The following TNNI3K variants were observed in gnomAD, a reference collection of about 807,000 sequenced individuals.
The protein encoded by TNNI3K is TNNI3 interacting kinase.
Under a neutral mutation model 114.5 loss-of-function variants are expected in TNNI3K, and 140 were observed. That is an observed-to-expected ratio of 1.22 (90% confidence interval 1.07 to 1.41). The LOEUF (loss-of-function observed/expected upper bound fraction) is 1.41, where lower values mean the gene tolerates loss of function less well. TNNI3K is among the 40% of genes most tolerant of loss of function. The pLI is 0.00. For synonymous variants in TNNI3K, 347 were observed against 347.5 expected (o/e 1.00, Z 0.02); for missense variants, 1,125 against 1,007.6 (o/e 1.12, Z -1.58).
intron 5 of TNNI3K, among the ~76,000 whole-genome samples, chr1:74,315,567 T>TA (rs1460048597): frequency 6.6e-6 from 1 of 151,998 alleles, no homozygotes; most frequent in African/African-American, 2.4e-5. Context: ...TTTTTTTTTT[T>TA]AACTGGATTT....
In TNNI3K at chr1:74,249,533, G is replaced by T. The variant is rs1654797621; in HGVS notation, c.224G>T (p.Cys75Phe). The T allele has an allele frequency of 1.2e-5, 20 of 1,613,022 alleles. No individual in the cohort carries two copies. Among genetic ancestry groups the T allele is most frequent in the Non-Finnish European group, 1.7e-5 (20 of 1,179,522 alleles). Residue 75 changes from cysteine to phenylalanine, a missense_variant, in exon 3 of 25, where the codon TGC (cysteine) becomes TTC (phenylalanine). By Grantham distance (205) the Cys-to-Phe change is radical (BLOSUM62 -2). Coordinates refer to ENST00000326637, the MANE Select transcript of TNNI3K (RefSeq NM_015978.3). The part of the protein sequence containing the change: ...ENGLSLLHLC[C>F]ICGGKKSHIR... ...GGGCTGTCTCTACTTCATTTATGTT[G>T]CATTTGTGGAGGTGAGTACTTGAAA...
chr1:74,322,746 G>T lies in TNNI3K; in HGVS notation c.445-8704G>T, dbSNP rs543560888. Among the ~76,000 whole-genome samples the T allele has an allele frequency of 2.0e-5, 3 of 152,052 alleles. No homozygotes were observed. The East Asian group carries it at 5.8e-4, about 29-fold the overall frequency. ...AAAGTGCTAGGATCACAGGCACTTT[G>T]CTGGGCGATTCTACCATCTTAATAT... is the stretch of plus-strand genomic sequence containing the variant. On this transcript the variant is annotated intron_variant, in intron 5 of 24. Transcript: ENST00000326637.
chr1:74,265,027 G>T (rs921245973), intron 4 of TNNI3K, among the ~76,000 whole-genome samples: 5 of 151,922 alleles, frequency 3.3e-5, no homozygotes, highest in South Asian at 2.1e-4. Context: ...GCAGCTGAAG[G>T]GTAATTGGTG....
intron 23 of TNNI3K, among the ~76,000 whole-genome samples, chr1:74,534,786 A>G (rs1446759871): frequency 6.6e-6 from 1 of 152,178 alleles, no homozygotes; most frequent in Non-Finnish European, 1.5e-5. Flanking sequence ...TGCCAGCCTT[A>G]TACAACCTGT....
chr1:74,510,818 A>C (rs1313808514), intron 23 of TNNI3K, among the ~76,000 whole-genome samples: 1 of 152,196 alleles, frequency 6.6e-6, no homozygotes, highest in East Asian at 1.9e-4. Flanking sequence ...GTCTGCCCCT[A>C]CCCAGAGAGG....
At chr1:74,500,383 C>T (rs886583673) in intron 23 of TNNI3K, among the ~76,000 whole-genome samples, 16 of 151,588 alleles carry the variant, frequency 1.1e-4, no homozygotes, top group Middle Eastern at 3.4e-3. Flanking sequence ...GGGCGGATCA[C>T]GAGGTCAGGA....
chr1:74,364,683 G>A (rs762956194), intron 11 of TNNI3K, among the ~76,000 whole-genome samples: 1 of 151,846 alleles, frequency 6.6e-6, no homozygotes, highest in Non-Finnish European at 1.5e-5. Flanking sequence ...TTATCCCAGT[G>A]GGCTCATTGT....
intron 21 of TNNI3K, among the ~76,000 whole-genome samples, chr1:74,476,702 G>C (rs1668224419): frequency 6.6e-6 from 1 of 152,142 alleles, no homozygotes; most frequent in Non-Finnish European, 1.5e-5. Context: ...TGAATAAAGA[G>C]ATCTGTGCCC....
chr1:74,497,079 T>C (rs1307444316), intron 23 of TNNI3K, among the ~76,000 whole-genome samples: 1 of 152,188 alleles, frequency 6.6e-6, no homozygotes, highest in Non-Finnish European at 1.5e-5. Flanking sequence ...TTAAATAGCT[T>C]GCCTAGTGCA....
chr1:74,535,462 C>G (rs113480189), intron 23 of TNNI3K, among the ~76,000 whole-genome samples: 92 of 152,078 alleles, frequency 6.0e-4, no homozygotes, highest in African/African-American at 1.9e-3. Context: ...TGAGAGGGAC[C>G]GTGTCTCAAA....
At chr1:74,487,870 TAG>T (rs1668848033) in intron 21 of TNNI3K, among the ~76,000 whole-genome samples, 1 of 151,500 alleles carries the variant, frequency 6.6e-6, no homozygotes, top group South Asian at 2.1e-4. Context: ...GGAAGTGAGG[TAG>T]AGAGAAAGGG....
At chr1:74,382,212 C>A (rs190499032) in intron 17 of TNNI3K, among the ~76,000 whole-genome samples, 1 of 152,144 alleles carries the variant, frequency 6.6e-6, no homozygotes, top group African/African-American at 2.4e-5. Context: ...TTTGTCATTT[C>A]TATTCATGTT....
intron 21 of TNNI3K, among the ~76,000 whole-genome samples, chr1:74,476,529 C>T (rs1428939337): frequency 2.6e-5 from 4 of 152,034 alleles, no homozygotes; most frequent in Non-Finnish European, 5.9e-5. Flanking sequence ...ACATTCTATC[C>T]CCAGTGTCCA....
At chr1:74,257,470 A>C (rs1177402105) in intron 4 of TNNI3K, among the ~76,000 whole-genome samples, 1 of 152,038 alleles carries the variant, frequency 6.6e-6, no homozygotes, top group Non-Finnish European at 1.5e-5. Context: ...GAAATTATGT[A>C]TTATGTGTTA....
chr1:74,372,352 C>A (rs1440012267), intron 17 of TNNI3K: 2 of 151,756 alleles, frequency 1.3e-5, no homozygotes, highest in East Asian at 3.9e-4. Flanking sequence ...ACAGCTCAGA[C>A]TGCCCTCAGC....
intron 5 of TNNI3K, among the ~76,000 whole-genome samples, chr1:74,310,602 A>G (rs1238487521): frequency 5.9e-5 from 9 of 152,232 alleles, no homozygotes; most frequent in Non-Finnish European, 1.0e-4. Context: ...ATAGTTTGGT[A>G]CTGGTACAAA....
chr1:74,391,172 CA>C (rs1557538574), intron 17 of TNNI3K, among the ~76,000 whole-genome samples: 1 of 152,066 alleles, frequency 6.6e-6, no homozygotes, highest in Non-Finnish European at 1.5e-5. Context: ...GTTCATTCGA[CA>C]AATATTTGGA....
Position 74,270,888 on chromosome 1 carries a change from A to T in TNNI3K, c.334-710A>T, listed in dbSNP as rs570592418. 7.4e-4 allele frequency among the ~76,000 whole-genome samples: 111 copies of T among 150,996 alleles called. 2 individuals are homozygous for T. Among genetic ancestry groups the T allele is most frequent in the South Asian group, 2.7e-3 (13 of 4,826 alleles). On this transcript the variant is annotated intron_variant, in intron 4 of 24. Transcript: ENST00000326637. Reference sequence around the variant, plus strand: ...ATGACTGTTAATTGCTATTAATATTATAAATATTATTTCATGTATCTCCAA... The same window carrying T: ...ATGACTGTTAATTGCTATTAATATTTTAAATATTATTTCATGTATCTCCAA...
intron 4 of TNNI3K, among the ~76,000 whole-genome samples, chr1:74,259,761 G>T (rs1655556546): frequency 6.6e-6 from 1 of 152,100 alleles, no homozygotes; most frequent in African/African-American, 2.4e-5. Flanking sequence ...AATAGAGCAA[G>T]ACCCTGTCTC....
Sources: allele counts gnomAD v4.1 joint callset (sites outside exome capture counted in the v4.1 genomes callset), GRCh38; gene constraint gnomAD v4.1.1; transcripts MANE v1.5; gene names NCBI Gene and HGNC (gene_info 2026-07-23, HGNC 2026-07-21).